BCHE: variants seen among roughly 807,000 people sequenced by gnomAD.
The protein encoded by BCHE is cholinesterase.
BCHE carries 48 observed loss-of-function variants against 51.3 expected under a neutral mutation model. The ratio of observed to expected loss-of-function variants is 0.94; its 90% confidence interval spans 0.74 to 1.19. The LOEUF (loss-of-function observed/expected upper bound fraction) is 1.19, where lower values mean the gene tolerates loss of function less well. Ranked by LOEUF, BCHE falls within the 50% of genes most tolerant of loss-of-function variation. The probability of loss-of-function intolerance (pLI) is 0.00; values close to 1 mark genes in which losing one functional copy is unlikely to be tolerated. For missense variants in BCHE, 847 were observed against 708.2 expected (o/e 1.20, Z -2.23); for synonymous variants, 251 against 238.0 (o/e 1.05, Z -0.50).
intron 2 of BCHE, among the ~76,000 whole-genome samples, chr3:165,790,285 A>T (rs367642210): frequency 6.6e-6 from 1 of 152,138 alleles, no homozygotes; most frequent in African/African-American, 2.4e-5. Flanking sequence ...TCCCAATAAA[A>T]ACTAGAGATA....
chr3:165,832,606 G>T (rs1261024175), intron 1 of BCHE, among the ~76,000 whole-genome samples: 1 of 151,958 alleles, frequency 6.6e-6, no homozygotes, highest in African/African-American at 2.4e-5. Flanking sequence ...AAGAACTAAT[G>T]TGTTTATATA....
intron 2 of BCHE, among the ~76,000 whole-genome samples, chr3:165,796,744 C>A (rs1713392972): frequency 6.6e-6 from 1 of 152,086 alleles, no homozygotes; most frequent in African/African-American, 2.4e-5. Context: ...CTCCTAAATA[C>A]TTCACTAAAG....
chr3:165,784,660 G>T lies in BCHE; in HGVS notation c.1684+1485C>A, dbSNP rs532334559. 1.6e-4 allele frequency among the ~76,000 whole-genome samples: 25 copies of T among 151,972 alleles called. 1 individual carries two copies. Among genetic ancestry groups the T allele is most frequent in the Non-Finnish European group, 2.4e-4 (16 of 67,838 alleles). On this transcript the variant is annotated intron_variant, in intron 3 of 3. Transcript: ENST00000264381. ...GGTAAGTATTTGGAAATAGAAATTT[G>T]TGAAGGATAGTTTTTTAAAATGCTG...
intron 2 of BCHE, among the ~76,000 whole-genome samples, chr3:165,797,723 G>C (rs967158428): frequency 6.6e-6 from 1 of 152,028 alleles, no homozygotes; most frequent in African/African-American, 2.4e-5. Context: ...ATTCACGTCT[G>C]TTTGCTTTAG....
intron 3 of BCHE, among the ~76,000 whole-genome samples, chr3:165,785,780 C>T (rs1712922669): frequency 6.6e-6 from 1 of 151,174 alleles, no homozygotes; most frequent in South Asian, 2.1e-4. Flanking sequence ...TTTTTTAGTT[C>T]CATACATTAT....
At chr3:165,781,039 C>T (rs551702021) in intron 3 of BCHE, among the ~76,000 whole-genome samples, 2 of 152,142 alleles carry the variant, frequency 1.3e-5, no homozygotes, top group East Asian at 1.9e-4. Flanking sequence ...GTCAGGGGTT[C>T]GAGATCAGCC....
chr3:165,827,140 A>G (rs1365512343), intron 2 of BCHE, among the ~76,000 whole-genome samples: 7 of 152,112 alleles, frequency 4.6e-5, no homozygotes, highest in Non-Finnish European at 4.4e-5. Context: ...AATTATTCAA[A>G]GCTTCTATAT....
intron 2 of BCHE, among the ~76,000 whole-genome samples, chr3:165,828,773 T>C (rs1714829780): frequency 6.6e-6 from 1 of 152,138 alleles, no homozygotes; most frequent in African/African-American, 2.4e-5. Flanking sequence ...CACATACATA[T>C]TTAGAAAATA....
chr3:165,815,767 C>T (rs1022712764), intron 2 of BCHE, among the ~76,000 whole-genome samples: 9 of 151,946 alleles, frequency 5.9e-5, no homozygotes, highest in African/African-American at 2.2e-4. Flanking sequence ...TATATTTTAA[C>T]AGATTAATTT....
chr3:165,773,250 G>A lies in BCHE; in HGVS notation c.*132C>T, dbSNP rs556141230. The A allele has an allele frequency of 1.0e-5, 8 of 793,870 alleles. No individual in the cohort carries two copies. The African/African-American group carries it at 1.2e-4, about 12-fold the overall frequency. The allele number at this position is 793,870 out of a possible 1,614,324, so 49.2% of individuals were successfully genotyped here. On this transcript the variant is annotated 3_prime_UTR_variant, in exon 4 of 4. Transcript: ENST00000264381. ...TAAAATACTAAGTTAAAGATGTGAGGAATCAATATTATCCTTCTGGCATTT... is the reference window on the plus strand; with the variant it reads ...TAAAATACTAAGTTAAAGATGTGAGAAATCAATATTATCCTTCTGGCATTT...
intron 2 of BCHE, among the ~76,000 whole-genome samples, chr3:165,799,330 C>T (rs1203931014): frequency 6.6e-6 from 1 of 152,050 alleles, no homozygotes; most frequent in Non-Finnish European, 1.5e-5. Flanking sequence ...AACCTACACT[C>T]CTGCCTAGCA....
chr3:165,774,751 A>G (rs950284558), intron 3 of BCHE, among the ~76,000 whole-genome samples: 3 of 152,200 alleles, frequency 2.0e-5, no homozygotes, highest in African/African-American at 7.2e-5. Flanking sequence ...CCTGCTTTCA[A>G]GTAGTTTGCA....
In BCHE at chr3:165,786,174, G is replaced by C; in HGVS notation, c.1655C>G (p.Ser552Ter). 1 of 1,612,054 alleles carries C rather than the reference G, an allele frequency of 6.2e-7. No homozygotes were observed. The highest frequency in any genetic ancestry group is 8.5e-7 in the Non-Finnish European group (1 of 1,178,594). ...CATTTCCAAGACTTTTGGAAAAAAT[G>C]ATGTCCAGAATCGACATTGTTGAGC... ...LRAQQCRFWT[S>*]FFPKVLEMTG... The change falls in exon 3 of 4, where the codon TCA (serine) becomes TGA (stop). Residue 552 changes from serine (S) to a stop codon, truncating the protein, a stop_gained. Transcript: ENST00000264381. LOFTEE classifies it high-confidence loss of function.
intron 2 of BCHE, among the ~76,000 whole-genome samples, chr3:165,790,125 C>A (rs189974658): frequency 6.6e-6 from 1 of 151,982 alleles, no homozygotes; most frequent in Non-Finnish European, 1.5e-5. Flanking sequence ...TTTGTCTCTC[C>A]CTGCCAGAAA....
At chr3:165,774,538 G>A (rs779913825) in intron 3 of BCHE, among the ~76,000 whole-genome samples, 1 of 151,858 alleles carries the variant, frequency 6.6e-6, no homozygotes, top group Non-Finnish European at 1.5e-5. Context: ...GTTTCACCAT[G>A]TTGGTTGGCC....
intron 3 of BCHE, chr3:165,778,721 A>G: frequency 2.2e-6 from 1 of 453,630 alleles, no homozygotes; most frequent in Non-Finnish European, 4.5e-6. Flanking sequence ...CCTGGCTCAC[A>G]GTAGCAGCAT....
rs937406987 is a variant in BCHE, at chr3:165,826,780, T to C, written c.1517+2737A>G. Among the ~76,000 whole-genome samples, 3 of 152,130 alleles carry C rather than the reference T, an allele frequency of 2.0e-5. No homozygotes were observed. The South Asian group carries it at 6.2e-4, about 31-fold the overall frequency. On this transcript the variant is annotated intron_variant, in intron 2 of 3. Transcript: ENST00000264381. The stretch of plus-strand genomic sequence containing the variant: ...CTACTTTTACTTCCTTAATAAGACA[T>C]TTTGAAGTTCTGAGGAAGTAGAGAC...
Position 165,830,435 on chromosome 3 carries a change from T to C in BCHE, c.599A>G (p.Gln200Arg). Residue 200 changes from glutamine to arginine, a missense_variant, in exon 2 of 4, where the codon CAG (glutamine) becomes CGG (arginine). By Grantham distance (43) the Gln-to-Arg change is conservative (BLOSUM62 1). Coordinates refer to ENST00000264381, the MANE Select transcript of BCHE (RefSeq NM_000055.4). ...APGNMGLFDQ[Q>R]LALQWVQKNI... ...TTTTTGAACCCACTGAAGAGCCAAC[T>C]GTTGATCAAATAAACCCATGTTCCC... 6.2e-7 allele frequency: 1 copy of C among 1,613,866 alleles called. No individual in the cohort carries two copies. The highest frequency in any genetic ancestry group is 8.5e-7 in the Non-Finnish European group (1 of 1,179,900).
chr3:165,783,232 T>A (rs1307802261), intron 3 of BCHE, among the ~76,000 whole-genome samples: 1 of 152,134 alleles, frequency 6.6e-6, no homozygotes, highest in East Asian at 1.9e-4. Context: ...CTTTATGCAA[T>A]AAATCTCAAT....
Sources: gnomAD v4.1 joint callset for allele counts (sites outside exome capture counted in the v4.1 genomes callset) on GRCh38, gnomAD v4.1.1 for gene constraint, MANE v1.5 for transcripts, NCBI Gene and HGNC (gene_info 2026-07-23, HGNC 2026-07-21) for gene names.